The following NEIL3 variants were observed in gnomAD, a reference collection of about 807,000 sequenced individuals.
The protein encoded by NEIL3 is endonuclease 8-like 3.
Under a neutral mutation model 57.5 loss-of-function variants are expected in NEIL3, and 48 were observed. The ratio of observed to expected loss-of-function variants is 0.83; its 90% confidence interval spans 0.66 to 1.06. The LOEUF (loss-of-function observed/expected upper bound fraction) is 1.06, where lower values mean the gene tolerates loss of function less well. Ranked by LOEUF, NEIL3 falls within the 50% of genes least tolerant of loss-of-function variation. The pLI is 0.00. For synonymous variants in NEIL3, 261 were observed against 253.2 expected, an observed-to-expected ratio of 1.03 and a Z score of -0.29; for missense variants, 717 against 739.1, an observed-to-expected ratio of 0.97 and a Z score of 0.35.
intron 4 of NEIL3, among the ~76,000 whole-genome samples, 153 bp from the exon 5 acceptor site, chr4:177,339,630 G>C (rs887422226): frequency 6.6e-6 from 1 of 152,182 alleles, no homozygotes; most frequent in Non-Finnish European, 1.5e-5. Context: ...CTGCGTATAA[G>C]TGGACCCTCC....
At position 177,351,206 on chromosome 4, in the gene NEIL3, C is replaced by CAAAAAAAAAAAAA. The variant is rs749430879; in HGVS notation, c.870-154_870-142dup. ...ATGACAGAGCAAGACCCCATCTCTA[C>CAAAAAAAAAAAAA]AAAAAAAAAAAAAAAAAAAAAAAAA... is the stretch of plus-strand genomic sequence containing the variant. On this transcript the variant is annotated intron_variant, in intron 6 of 9. Transcript: ENST00000264596. 2.6e-4 allele frequency among the ~76,000 whole-genome samples: 15 copies of CAAAAAAAAAAAAA among 58,518 alleles called. 2 individuals are homozygous for CAAAAAAAAAAAAA. The highest frequency in any genetic ancestry group is 9.4e-4 in the African/African-American group (12 of 12,830). 38.4% of individuals were successfully genotyped at this position (58,518 alleles called of 152,430 possible). A position where few individuals can be genotyped will look rare whatever the true frequency, so the allele number is the denominator to read the frequency against.
intron 8 of NEIL3, chr4:177,356,940 A>G (rs1289050244): frequency 6.6e-6 from 1 of 152,210 alleles, no homozygotes; most frequent in Non-Finnish European, 1.5e-5. Flanking sequence ...CGTTGATGCA[A>G]AGGCTCACAT....
intron 5 of NEIL3, 143 bp from the exon 6 acceptor site, chr4:177,341,333 G>C (rs183385140): frequency 1.8e-6 from 1 of 542,776 alleles, no homozygotes; most frequent in African/African-American, 1.9e-5. Context: ...TCTGATGAAA[G>C]AAAAGATTAT....
downstream of NEIL3, among the ~76,000 whole-genome samples, chr4:177,364,678 C>T (rs143697761): frequency 4.4e-3 from 677 of 152,206 alleles, 3 homozygotes; most frequent in African/African-American, 0.015. Context: ...ACCTGTAATC[C>T]CAGCACTGTG....
At chr4:177,368,188 G>T in the NEIL3 span, among the ~76,000 whole-genome samples, 1 of 152,080 alleles carries the variant, frequency 6.6e-6, no homozygotes, top group Non-Finnish European at 1.5e-5. Flanking sequence ...AATAATTGTG[G>T]TATGATGAGA....
At chr4:177,320,714 G>T (rs955880351) in intron 1 of NEIL3, among the ~76,000 whole-genome samples, 29 of 151,574 alleles carry the variant, frequency 1.9e-4, no homozygotes, top group African/African-American at 6.8e-4. Flanking sequence ...TGATCCGCCC[G>T]CCTCGACCTC....
chr4:177,351,783 C>A (rs921649721), intron 7 of NEIL3, among the ~76,000 whole-genome samples: 9 of 151,976 alleles, frequency 5.9e-5, no homozygotes, highest in African/African-American at 2.2e-4. Context: ...GCCTTTGTAT[C>A]TCAAAAAAAT....
At chr4:177,360,702 A>G (rs1419623496) in intron 9 of NEIL3, 25 bp downstream of exon 9, 1 of 1,533,228 alleles carries the variant, frequency 6.5e-7, no homozygotes, top group Non-Finnish European at 8.9e-7. Context: ...TATCTAGCTT[A>G]CTAAAATGTA....
chr4:177,339,697 T>C (rs1735051488), intron 4 of NEIL3, 86 bp from the exon 5 acceptor site: 18 of 855,342 alleles, frequency 2.1e-5, no homozygotes, highest in Non-Finnish European at 3.5e-5. Context: ...TTTACAGTTC[T>C]CTTTCACAGA....
At chr4:177,367,300 C>G (rs74777461), downstream of NEIL3, among the ~76,000 whole-genome samples, 14,771 of 152,148 alleles carry the variant, frequency 0.097, 811 homozygotes, top group South Asian at 0.17. Context: ...CCATCAGCCT[C>G]TTGAGGTTTA....
chr4:177,364,766 A>G (rs1368031140), downstream of NEIL3, among the ~76,000 whole-genome samples: 1 of 151,934 alleles, frequency 6.6e-6, no homozygotes, highest in African/African-American at 2.4e-5. Context: ...TGTCTCTACT[A>G]AAAATACAAA....
chr4:177,346,802 C>G (rs1200953969), intron 6 of NEIL3, among the ~76,000 whole-genome samples: 1 of 152,056 alleles, frequency 6.6e-6, no homozygotes, highest in Admixed American at 6.6e-5. Flanking sequence ...GAGATTGAGA[C>G]CAGCCTGGCC....
At chr4:177,342,979 A>G (rs1735127339) in intron 6 of NEIL3, 1 of 152,230 alleles carries the variant, frequency 6.6e-6, no homozygotes, top group Non-Finnish European at 1.5e-5. Context: ...TAACATGGAA[A>G]ACGAAGAGAC....
intron 1 of NEIL3, among the ~76,000 whole-genome samples, chr4:177,318,389 T>C (rs1734613506): frequency 6.6e-6 from 1 of 152,208 alleles, no homozygotes; most frequent in Admixed American, 6.5e-5. Flanking sequence ...ATTTTACACA[T>C]TATTTCTGTA....
At position 177,362,563 on chromosome 4, in the gene NEIL3, A is replaced by ACTTTTC; in HGVS notation, c.*92_*93insCTTTTC. 1 of 974,560 alleles carries ACTTTTC rather than the reference A, an allele frequency of 1.0e-6. No individual in the cohort carries two copies. The highest frequency in any genetic ancestry group is 1.5e-6 in the Non-Finnish European group (1 of 675,688). The allele number at this position is 974,560 out of a possible 1,614,324, so 60.4% of individuals were successfully genotyped here. ...ATAGAAAAGTCATAGAATATCTATG[A>ACTTTTC]TACATTGAAAAGTTACTGCAATATT... is the stretch of plus-strand genomic sequence containing the variant. On this transcript the variant is annotated 3_prime_UTR_variant, in exon 10 of 10. Transcript: ENST00000264596.
intron 9 of NEIL3, 73 bp downstream of exon 9, chr4:177,360,750 A>C: frequency 8.5e-7 from 1 of 1,171,014 alleles, no homozygotes; most frequent in Non-Finnish European, 1.2e-6. Flanking sequence ...ACAAATAGCA[A>C]TACTTTCCTA....
chr4:177,320,876 A>G (rs531675422), intron 1 of NEIL3, among the ~76,000 whole-genome samples: 12 of 152,098 alleles, frequency 7.9e-5, no homozygotes, highest in African/African-American at 2.9e-4. Flanking sequence ...CAGTCGCCTG[A>G]ACTTCAGGCA....
chr4:177,335,991 A>G (rs1233773170), intron 3 of NEIL3, 117 bp from the exon 4 acceptor site: 3 of 1,028,576 alleles, frequency 2.9e-6, no homozygotes, highest in East Asian at 2.5e-5. Flanking sequence ...TTGTTTGCAT[A>G]TGTAACTCTT....
At chr4:177,318,635 A>G (rs6814910) in intron 1 of NEIL3, among the ~76,000 whole-genome samples, 26,496 of 152,116 alleles carry the variant, frequency 0.17, 4,614 homozygotes, top group African/African-American at 0.44. Context: ...TGCCTGGATC[A>G]TGGCTCACTT....
Sources: gnomAD v4.1 joint callset for allele counts (sites outside exome capture counted in the v4.1 genomes callset) on GRCh38, gnomAD v4.1.1 for gene constraint, MANE v1.5 for transcripts, NCBI Gene and HGNC (gene_info 2026-07-23, HGNC 2026-07-21) for gene names.